Variants in ARHGAP19 observed in about 807,000 individuals in gnomAD.
ARHGAP19 encodes the protein rho GTPase-activating protein 19.
Under a neutral mutation model 60.9 loss-of-function variants are expected in ARHGAP19, and 48 were observed. The ratio of observed to expected loss-of-function variants is 0.79; its 90% CI spans 0.62 to 1.00. The LOEUF is 1.00. Ranked by LOEUF, ARHGAP19 falls within the 50% of genes least tolerant of loss-of-function variation. The pLI, the probability that ARHGAP19 is intolerant of heterozygous loss-of-function variation, is 0.00. For missense variants in ARHGAP19, 562 were observed against 597.2 expected (o/e 0.94, Z 0.61); for synonymous variants, 209 against 215.5 (o/e 0.97, Z 0.27).
At chr10:97,259,271 A>C in intron 5 of ARHGAP19, 131 bp downstream of exon 5, 2 of 720,314 alleles carry the variant, frequency 2.8e-6, no homozygotes, top group South Asian at 3.6e-5. Context: ...TGAACTAATA[A>C]AGTAAGTTCC....
chr10:97,260,936 A>G (rs1037559888), intron 4 of ARHGAP19, among the ~76,000 whole-genome samples: 1 of 141,138 alleles, frequency 7.1e-6, no homozygotes, highest in African/African-American at 2.6e-5. Context: ...TCTATATTTA[A>G]AAAAAAAAAA....
Position 97,226,136 on chromosome 10 carries a change from G to C in ARHGAP19, c.1475-4C>G. The C allele has an allele frequency of 6.2e-7, 1 of 1,613,720 alleles. No individual in the cohort carries two copies. The highest frequency in any genetic ancestry group is 1.1e-5 in the South Asian group (1 of 91,038). On this transcript the variant is annotated splice_region_variant and splice_polypyrimidine_tract_variant and intron_variant, in intron 11 of 11. Coordinates refer to ENST00000358531, the MANE Select transcript of ARHGAP19 (RefSeq NM_032900.6). Reference sequence around the variant, plus strand: ...CTCTGGATCCTTCAGAGAAATCCTAGGTTGAAGGAAAAACAAGAGCGTTAG... The same window carrying C: ...CTCTGGATCCTTCAGAGAAATCCTACGTTGAAGGAAAAACAAGAGCGTTAG...
chr10:97,252,024 A>G (rs1842690214), intron 6 of ARHGAP19, among the ~76,000 whole-genome samples: 1 of 151,984 alleles, frequency 6.6e-6, no homozygotes, highest in South Asian at 2.1e-4. Context: ...TTAACTGTAT[A>G]TACATTGTAA....
Position 97,259,493 on chromosome 10 carries a change from A to G in ARHGAP19, c.749T>C (p.Leu250Pro), listed in dbSNP as rs1156803243. The change falls in exon 5 of 12, where the codon CTA becomes CCA. Residue 250 changes from leucine to proline, a missense_variant. By Grantham distance (98) the Leu-to-Pro change is moderately conservative (BLOSUM62 -3). Transcript: ENST00000358531. ...GTCTTGTTTCTTTGCTGTCTGGTATAGGAGATCAAGCAATAACTTCAGCAA... is the reference window on the plus strand; with the variant it reads ...GTCTTGTTTCTTTGCTGTCTGGTATGGGAGATCAAGCAATAACTTCAGCAA... ...RNLLKLLLDL[L>P]YQTAKKQDKN... 1.2e-6 allele frequency: 2 copies of G among 1,614,212 alleles called. No individual in the cohort carries two copies. The highest frequency in any genetic ancestry group is 2.2e-5 in the East Asian group (1 of 44,874).
intron 6 of ARHGAP19, among the ~76,000 whole-genome samples, chr10:97,248,390 G>A (rs1231606097): frequency 2.0e-5 from 3 of 151,734 alleles, no homozygotes; most frequent in East Asian, 3.9e-4. Context: ...CTCCAGCCTG[G>A]GTGACAGAGT....
At chr10:97,278,529 G>A (rs1051555306) in intron 1 of ARHGAP19, among the ~76,000 whole-genome samples, 1 of 152,190 alleles carries the variant, frequency 6.6e-6, no homozygotes, top group African/African-American at 2.4e-5. Context: ...ACAGAATTGA[G>A]AAGAGTGTGC....
Position 97,238,309 on chromosome 10 carries a change from C to T in ARHGAP19, c.1186-2994G>A, listed in dbSNP as rs12243694. Among the ~76,000 whole-genome samples, 231 of 152,250 alleles carry T rather than the reference C, an allele frequency of 1.5e-3. 1 individual carries two copies. Among genetic ancestry groups the T allele is most frequent in the Middle Eastern group, 6.8e-3 (2 of 294 alleles). ...GCAGCCCCAAACTCCTGGGCTCAAG[C>T]GATTCTTCCTGCTGAGGCTGAGGCT... On this transcript the variant is annotated intron_variant, in intron 8 of 11. Coordinates refer to ENST00000358531, the MANE Select transcript of ARHGAP19 (RefSeq NM_032900.6).
At chr10:97,227,023 G>A (rs958481524) in intron 11 of ARHGAP19, among the ~76,000 whole-genome samples, 5 of 152,176 alleles carry the variant, frequency 3.3e-5, no homozygotes, top group Admixed American at 1.3e-4. Context: ...TCCCAGCATC[G>A]ATGGGGTAAA....
chr10:97,246,941 C>A (rs888727024), intron 6 of ARHGAP19, among the ~76,000 whole-genome samples: 2 of 152,068 alleles, frequency 1.3e-5, no homozygotes, highest in Non-Finnish European at 2.9e-5. Flanking sequence ...AGTTCGAGAC[C>A]AGCCTGACCA....
chr10:97,283,233 C>G (rs946241439), intron 1 of ARHGAP19, among the ~76,000 whole-genome samples: 1 of 152,146 alleles, frequency 6.6e-6, no homozygotes, highest in African/African-American at 2.4e-5. Flanking sequence ...GCTCCAGCAT[C>G]TGTAGAAACA....
At chr10:97,267,895 G>A (rs911632837) in intron 1 of ARHGAP19, among the ~76,000 whole-genome samples, 50 of 152,374 alleles carry the variant, frequency 3.3e-4, no homozygotes, top group African/African-American at 1.1e-3. Flanking sequence ...CCTGTGATGG[G>A]AGGTGCTGCT....
At chr10:97,241,406 T>TA (rs1398874391) in intron 8 of ARHGAP19, among the ~76,000 whole-genome samples, 1 of 134,706 alleles carries the variant, frequency 7.4e-6, no homozygotes, top group Non-Finnish European at 1.6e-5. Flanking sequence ...AAAAGAAAGA[T>TA]AGAGTATTTA....
intron 8 of ARHGAP19, among the ~76,000 whole-genome samples, chr10:97,239,101 T>C (rs1842427505): frequency 6.6e-6 from 1 of 152,304 alleles, no homozygotes; most frequent in African/African-American, 2.4e-5. Context: ...CATCTAGGTT[T>C]ATGTAAGTAC....
At chr10:97,289,884 GAAAA>G (rs1396821868) in intron 1 of ARHGAP19, among the ~76,000 whole-genome samples, 2 of 149,902 alleles carry the variant, frequency 1.3e-5, no homozygotes, top group Non-Finnish European at 3.0e-5. Flanking sequence ...AGAAAGAAAA[GAAAA>G]AGAAAAGAAA....
chr10:97,222,368 C>A lies in ARHGAP19; in HGVS notation c.*3754G>T, dbSNP rs1850818951. ...TAGGACAAAGGCAACCCTTGCTCTG[C>A]AGAAAGAACCCTGGGGTGAGGGAAT... On this transcript the variant is annotated 3_prime_UTR_variant, in exon 12 of 12. Transcript: ENST00000358531. The A allele has an allele frequency of 6.6e-6, 1 of 152,242 alleles. No homozygotes were observed. The highest frequency in any genetic ancestry group is 2.4e-5 in the African/African-American group (1 of 41,468). 9.4% of individuals were successfully genotyped at this position (152,242 alleles called of 1,614,324 possible).
Position 97,264,875 on chromosome 10 carries a change from C to T in ARHGAP19, c.354G>A (p.Thr118=), listed in dbSNP as rs1279488128. ...EKGVIFGSPL[T]EEGIAQIYQL... ...GGTATATCTGGGCAATGCCTTCCTC[C>T]GTCAGTGGGGACCCAAATATCACTC... The change falls in exon 3 of 12, where the codon ACG becomes ACA. Residue 118 remains threonine (T), a synonymous_variant. Transcript: ENST00000358531. 5 of 1,613,414 alleles carry T rather than the reference C, an allele frequency of 3.1e-6. No individual in the cohort carries two copies. The highest frequency in any genetic ancestry group is 2.2e-5 in the South Asian group (2 of 91,056).
At chr10:97,282,157 A>G (rs902945711) in intron 1 of ARHGAP19, among the ~76,000 whole-genome samples, 1 of 152,162 alleles carries the variant, frequency 6.6e-6, no homozygotes, top group Non-Finnish European at 1.5e-5. Flanking sequence ...AGCTTAACCA[A>G]CTGAAACATT....
intron 5 of ARHGAP19, among the ~76,000 whole-genome samples, chr10:97,257,085 C>A (rs762052682): frequency 6.6e-6 from 1 of 152,210 alleles, no homozygotes; most frequent in Admixed American, 6.5e-5. Context: ...CGCACCACTG[C>A]ACTCCAGCCT....
At chr10:97,270,405 A>C (rs1461560315) in intron 1 of ARHGAP19, among the ~76,000 whole-genome samples, 4 of 152,202 alleles carry the variant, frequency 2.6e-5, no homozygotes, top group Non-Finnish European at 4.4e-5. Flanking sequence ...CCCATATCAC[A>C]AAGCCCACTA....
Sources: gnomAD v4.1 joint callset for allele counts (sites outside exome capture counted in the v4.1 genomes callset) on GRCh38, gnomAD v4.1.1 for gene constraint, MANE v1.5 for transcripts, NCBI Gene and HGNC (gene_info 2026-07-23, HGNC 2026-07-21) for gene names.